Variants in SRRM2 observed in about 807,000 individuals in gnomAD.
The protein encoded by SRRM2 is serine/arginine repetitive matrix protein 2.
Under a neutral mutation model 213.8 loss-of-function variants are expected in SRRM2, and 30 were observed. That is an observed-to-expected ratio of 0.14 (90% confidence interval 0.10 to 0.19). SRRM2 has a LOEUF of 0.19. Among genes scored for constraint, SRRM2 ranks in the 10% least tolerant of loss-of-function variants. SRRM2 has a pLI of 1.00. For missense variants in SRRM2, 4,904 were observed against 3,647.0 expected (o/e 1.34, Z -8.88); for synonymous variants, 2,025 against 1,377.7 (o/e 1.47, Z -10.40).
At chr16:2,761,010 A>T (rs1441995294) in intron 10 of SRRM2, among the ~76,000 whole-genome samples, 1 of 152,240 alleles carries the variant, frequency 6.6e-6, no homozygotes, top group Admixed American at 6.5e-5. Flanking sequence ...ATCCAGGGTT[A>T]CCTTTCCAAA....
Position 2,756,358 on chromosome 16 carries a change from C to A in SRRM2, c.-7C>A, listed in dbSNP as rs1178094599. ...GGAGCGGTGGTGCCCCCCCCGGGCA[C>A]GGGGCCATGTACAACGGGATCGGGC... On this transcript the variant is annotated 5_prime_UTR_variant, in exon 2 of 15. Coordinates refer to ENST00000301740, the MANE Select transcript of SRRM2 (RefSeq NM_016333.4). 1 of 1,595,304 alleles carries A rather than the reference C, an allele frequency of 6.3e-7. No individual in the cohort carries two copies. Among genetic ancestry groups the A allele is most frequent in the Non-Finnish European group, 8.5e-7 (1 of 1,173,440 alleles).
At chr16:2,753,983 C>T (rs769382869) in intron 1 of SRRM2, among the ~76,000 whole-genome samples, 1 of 152,144 alleles carries the variant, frequency 6.6e-6, no homozygotes, top group Non-Finnish European at 1.5e-5. Context: ...TCATTGTTAG[C>T]TTACCACTCG....
chr16:2,758,762 A>G, intron 5 of SRRM2: 1 of 677,328 alleles, frequency 1.5e-6, no homozygotes, highest in East Asian at 2.7e-5. Context: ...GGCCAGCAGC[A>G]TTTTGGATTC....
At position 2,763,296 on chromosome 16, in the gene SRRM2, T is replaced by C. The variant is rs2068427144; in HGVS notation, c.2768T>C (p.Ile923Thr). The C allele has an allele frequency of 1.9e-6, 3 of 1,613,948 alleles. No homozygotes were observed. Among genetic ancestry groups the C allele is most frequent in the South Asian group, 2.2e-5 (2 of 91,074 alleles). The change falls in exon 11 of 15, where the codon ATA (isoleucine) becomes ACA (threonine). Residue 923 changes from isoleucine (I) to threonine (T), a missense_variant. Ile to Thr is a moderately conservative substitution (Grantham distance 89). Coordinates refer to ENST00000301740, the MANE Select transcript of SRRM2 (RefSeq NM_016333.4). Reference protein sequence around the residue: ...SSPQPKVKAIISPRQRSHSGS... With the variant: ...SSPQPKVKAITSPRQRSHSGS... Reference sequence around the variant, plus strand: ...CCACAACCCAAAGTGAAGGCAATAATATCACCAAGACAAAGAAGCCATTCT... The same window carrying C: ...CCACAACCCAAAGTGAAGGCAATAACATCACCAAGACAAAGAAGCCATTCT...
Position 2,757,907 on chromosome 16 carries a change from A to G in SRRM2, c.477A>G (p.Glu159=). The part of the protein sequence containing the change: ...SSFDPQRRAR[E]AKQPAPEPPK... ...TTGATCCTCAGCGTCGTGCCCGAGA[A>G]GCTAAACAACCAGCTCCTGAGCCTC... The change falls in exon 4 of 15, where the codon GAA becomes GAG. Residue 159 remains glutamate, a synonymous_variant. Coordinates refer to ENST00000301740, the MANE Select transcript of SRRM2 (RefSeq NM_016333.4). 6.2e-7 allele frequency: 1 copy of G among 1,614,156 alleles called. No homozygotes were observed. Among genetic ancestry groups the G allele is most frequent in the Non-Finnish European group, 8.5e-7 (1 of 1,180,032 alleles).
chr16:2,770,147 C>T (rs910718304), intron 12 of SRRM2: 2 of 1,431,694 alleles, frequency 1.4e-6, no homozygotes, highest in South Asian at 1.5e-5. Context: ...TTTATCTTTG[C>T]ATCCCCCGCT....
At position 2,769,063 on chromosome 16, in the gene SRRM2, A is replaced by G; in HGVS notation, c.7800A>G (p.Pro2600=). ...VREGRPPEPT[P]AKRKRRSSSS... is the part of the protein sequence containing the mutation. Reference sequence around the variant, plus strand: ...AGGGACGTCCTCCGGAGCCAACCCCAGCCAAACGGAAGAGGCGCTCTAGCA... The same window carrying G: ...AGGGACGTCCTCCGGAGCCAACCCCGGCCAAACGGAAGAGGCGCTCTAGCA... The change falls in exon 12 of 15, where the codon CCA becomes CCG. Residue 2600 remains proline (P), a synonymous_variant. Coordinates refer to ENST00000301740, the MANE Select transcript of SRRM2 (RefSeq NM_016333.4). 6.2e-7 allele frequency: 1 copy of G among 1,614,040 alleles called. No individual in the cohort carries two copies. Among genetic ancestry groups the G allele is most frequent in the Non-Finnish European group, 8.5e-7 (1 of 1,179,996 alleles).
At position 2,766,823 on chromosome 16, in the gene SRRM2, C is replaced by G; in HGVS notation, c.6295C>G (p.His2099Asp). ...TGCTACTCCTCCAGCAACAAGAAAT[C>G]ATTCTGGTTCACGGACACCTCCAGT... ...RSATPPATRNHSGSRTPPVAL... is the reference protein window; with the variant it reads ...RSATPPATRNDSGSRTPPVAL... Residue 2099 changes from histidine to aspartate, a missense_variant, in exon 11 of 15, where the codon CAT (histidine) becomes GAT (aspartate). Transcript: ENST00000301740. This position sits in a 1 kb window ranked among gnomAD's most constrained non-coding sequence, Gnocchi z 7.0. The G allele has an allele frequency of 6.2e-7, 1 of 1,614,188 alleles. No homozygotes were observed.
At position 2,761,818 on chromosome 16, in the gene SRRM2, T is replaced by C. The variant is rs1283502283; in HGVS notation, c.1290T>C (p.Val430=). 1.2e-6 allele frequency: 2 copies of C among 1,613,828 alleles called. No individual in the cohort carries two copies. The highest frequency in any genetic ancestry group is 1.7e-5 in the Admixed American group (1 of 60,000). The change falls in exon 11 of 15, where the codon GTT becomes GTC. Residue 430 remains valine (V), a synonymous_variant. Coordinates refer to ENST00000301740, the MANE Select transcript of SRRM2 (RefSeq NM_016333.4). ...CACCATCCCCTCAACCTACCAAAGT[T>C]TCTCGGCATGCCAGCTCTTCCCCAG... ...SSPPSPQPTK[V]SRHASSSPES...
chr16:2,762,697 A>G lies in SRRM2; in HGVS notation c.2169A>G (p.Arg723=), dbSNP rs1367173827. The G allele has an allele frequency of 1.2e-6, 2 of 1,614,086 alleles. No individual in the cohort carries two copies. Among genetic ancestry groups the G allele is most frequent in the Non-Finnish European group, 1.7e-6 (2 of 1,180,044 alleles). ...SHSRTPQRRG[R]SGSSSERKNK... Reference sequence around the variant, plus strand: ...CTAGAACACCTCAAAGAAGAGGCAGATCTGGCTCATCTTCAGAGCGGAAAA... The same window carrying G: ...CTAGAACACCTCAAAGAAGAGGCAGGTCTGGCTCATCTTCAGAGCGGAAAA... Residue 723 remains arginine (R), a synonymous_variant, in exon 11 of 15, where the codon AGA becomes AGG. Transcript: ENST00000301740.
rs538276244 is a variant in SRRM2 at position 2,762,464 on chromosome 16, A to C, written c.1936A>C (p.Arg646=). ...TAGATCACCAGCCAGGAGAAGTGGC[A>C]GGTCACGCTCTAGAACCCCAGCTAG... is the stretch of plus-strand genomic sequence containing the variant. ...RSRSPARRSG[R]SRSRTPARRG... Residue 646 remains arginine (R), a synonymous_variant, in exon 11 of 15, where the codon AGG becomes CGG. Transcript: ENST00000301740. The C allele has an allele frequency of 5.3e-5, 86 of 1,613,684 alleles. 1 individual carries two copies. The highest frequency in any genetic ancestry group is 4.5e-4 in the South Asian group (41 of 91,040).
At position 2,765,081 on chromosome 16, in the gene SRRM2, G is replaced by A; in HGVS notation, c.4553G>A (p.Gly1518Glu). ...KCLTPQRERS[G>E]SESSVDQKTV... is the part of the protein sequence containing the mutation. ...CTTACCCCCCAGAGAGAAAGAAGCG[G>A]GTCAGAATCATCAGTTGATCAGAAA... is the stretch of plus-strand genomic sequence containing the variant. The change falls in exon 11 of 15, where the codon GGG (glycine) becomes GAG (glutamate). Residue 1518 changes from glycine to glutamate, a missense_variant. Gly to Glu is a moderately conservative substitution (Grantham distance 98). Coordinates refer to ENST00000301740, the MANE Select transcript of SRRM2 (RefSeq NM_016333.4). The A allele has an allele frequency of 6.2e-7, 1 of 1,614,116 alleles. No homozygotes were observed. The highest frequency in any genetic ancestry group is 1.6e-4 in the Middle Eastern group (1 of 6,062).
In SRRM2 at chr16:2,764,916, C is replaced by T. The variant is rs1392371300; in HGVS notation, c.4388C>T (p.Ser1463Phe). The change falls in exon 11 of 15, where the codon TCT (serine) becomes TTT (phenylalanine). Residue 1463 changes from serine to phenylalanine, a missense_variant. Transcript: ENST00000301740. ...TPSRHSLSGS[S>F]PGMKDIPRTP... is the part of the protein sequence containing the mutation. ...TCGAGGCACAGCCTGTCTGGGTCCT[C>T]TCCTGGAATGAAAGATATACCTAGA... 7.4e-6 allele frequency: 12 copies of T among 1,614,034 alleles called. No homozygotes were observed. Among genetic ancestry groups the T allele is most frequent in the East Asian group, 4.5e-5 (2 of 44,898 alleles).
chr16:2,769,695 C>T (rs546316536), intron 12 of SRRM2: 9 of 489,970 alleles, frequency 1.8e-5, no homozygotes, highest in Middle Eastern at 3.1e-4. Flanking sequence ...CTTTCTAAAA[C>T]GCACATCTGG....
chr16:2,765,309 G>A lies in SRRM2; in HGVS notation c.4781G>A (p.Arg1594Gln), dbSNP rs144667736. Residue 1594 changes from arginine (R) to glutamine (Q), a missense_variant, in exon 11 of 15, where the codon CGG becomes CAG. Arg to Gln is a conservative substitution (Grantham distance 43). Transcript: ENST00000301740. ...GACAGCAAATCTCGACTATCCCCTC[G>A]GCGCAGTAGGTCTGGTTCCTCCCCT... ...EVDSKSRLSP[R>Q]RSRSGSSPEV... 106 of 1,613,970 alleles carry A rather than the reference G, an allele frequency of 6.6e-5. No homozygotes were observed. The highest frequency in any genetic ancestry group is 8.3e-5 in the Non-Finnish European group (98 of 1,180,042).
In SRRM2 at chr16:2,764,868, T is replaced by C. The variant is rs562939893; in HGVS notation, c.4340T>C (p.Leu1447Pro). 33 of 1,614,194 alleles carry C rather than the reference T, an allele frequency of 2.0e-5. No individual in the cohort carries two copies. The South Asian group carries it at 3.5e-4, about 17-fold the overall frequency. ...RRSRSGSSPG[L>P]RDGSGTPSRH... ...AGCAGGTCTGGGTCTTCTCCAGGACTTAGAGATGGGTCTGGGACTCCCTCG... is the reference window on the plus strand; with the variant it reads ...AGCAGGTCTGGGTCTTCTCCAGGACCTAGAGATGGGTCTGGGACTCCCTCG... The change falls in exon 11 of 15, where the codon CTT (leucine) becomes CCT (proline). Residue 1447 changes from leucine (L) to proline (P), a missense_variant. Coordinates refer to ENST00000301740, the MANE Select transcript of SRRM2 (RefSeq NM_016333.4).
rs764508232 is a variant in SRRM2 at position 2,769,229 on chromosome 16, C to T, written c.7966C>T (p.Pro2656Ser). 1.1e-5 allele frequency: 18 copies of T among 1,592,134 alleles called. No homozygotes were observed. Among genetic ancestry groups the T allele is most frequent in the Admixed American group, 1.7e-5 (1 of 58,772 alleles). The change falls in exon 12 of 15, where the codon CCT becomes TCT. Residue 2656 changes from proline to serine, a missense_variant. Pro to Ser is a moderately conservative substitution (Grantham distance 74, BLOSUM62 -1). Transcript: ENST00000301740. ...CTCCCCTTCCCCTGCTAAGCCTGGCCCTCAGGCCTTGCCCAAACCTGCAAG... is the reference window on the plus strand; with the variant it reads ...CTCCCCTTCCCCTGCTAAGCCTGGCTCTCAGGCCTTGCCCAAACCTGCAAG... The part of the protein sequence containing the change: ...SSSPSPAKPG[P>S]QALPKPASPK...
chr16:2,757,938 C>G lies in SRRM2; in HGVS notation c.508C>G (p.Pro170Ala). 1 of 1,613,338 alleles carries G rather than the reference C, an allele frequency of 6.2e-7. No homozygotes were observed. The highest frequency in any genetic ancestry group is 8.5e-7 in the Non-Finnish European group (1 of 1,179,694). Residue 170 changes from proline (P) to alanine (A), a missense_variant, in exon 4 of 15, where the codon CCT becomes GCT. Pro to Ala is a conservative substitution (Grantham distance 27, BLOSUM62 -1). Coordinates refer to ENST00000301740, the MANE Select transcript of SRRM2 (RefSeq NM_016333.4). ...ACAACCAGCTCCTGAGCCTCCCAAA[C>G]CTTACAGGTATACAAGGCCAAGAAA... Reference protein sequence around the residue: ...AKQPAPEPPKPYSLVRESSSS... With the variant: ...AKQPAPEPPKAYSLVRESSSS...
At chr16:2,759,228 T>TG in intron 7 of SRRM2, 56 bp downstream of exon 7, 1 of 1,605,720 alleles carries the variant, frequency 6.2e-7, no homozygotes, top group South Asian at 1.1e-5. Flanking sequence ...GTGATTTTTT[T>TG]TTCTTGGAGT....
Sources: gnomAD v4.1 joint callset for allele counts (sites outside exome capture counted in the v4.1 genomes callset) on GRCh38, gnomAD v4.1.1 for gene constraint, Gnocchi (gnomAD v3.1) non-coding constraint, MANE v1.5 for transcripts, NCBI Gene and HGNC (gene_info 2026-07-23, HGNC 2026-07-21) for gene names.